The following FLNC variants were observed in gnomAD, a reference collection of about 807,000 sequenced individuals.
FLNC encodes the protein filamin C.
A neutral mutation model predicts 254.3 loss-of-function variants in FLNC; 91 were observed. The ratio of observed to expected loss-of-function variants is 0.36; its 90% CI spans 0.30 to 0.43. The LOEUF (loss-of-function observed/expected upper bound fraction) is 0.43, where lower values mean the gene tolerates loss of function less well. Among genes scored for constraint, FLNC ranks in the 20% least tolerant of loss-of-function variants. The pLI, the probability that FLNC is intolerant of heterozygous loss-of-function variation, is 1.00. For synonymous variants in FLNC, 1,430 were observed against 1,577.2 expected (o/e 0.91, Z 2.21); for missense variants, 2,853 against 3,802.6 (o/e 0.75, Z 6.57).
In FLNC at chr7:128,838,786, C is replaced by T; in HGVS notation, c.1394C>T (p.Pro465Leu). ...GCCCCCATCACCCGCAGTCCCTTCCCTGTCCATGTGTCGGAAGGTAAGGGC... is the reference window on the plus strand; with the variant it reads ...GCCCCCATCACCCGCAGTCCCTTCCTTGTCCATGTGTCGGAAGGTAAGGGC... ...AGAPITRSPFPVHVSEACNPN... is the reference protein window; with the variant it reads ...AGAPITRSPFLVHVSEACNPN... The change falls in exon 8 of 48, where the codon CCT becomes CTT. Residue 465 changes from proline to leucine, a missense_variant. By Grantham distance (98) the Pro-to-Leu change is moderately conservative. Around this residue, in one of 10 missense-constraint regions of FLNC, gnomAD observed 1,573 missense variants for 1,883.5 expected, o/e 0.84. Coordinates refer to ENST00000325888, the MANE Select transcript of FLNC (RefSeq NM_001458.5). 6.2e-7 allele frequency: 1 copy of T among 1,612,906 alleles called. No individual in the cohort carries two copies. Among genetic ancestry groups the T allele is most frequent in the Non-Finnish European group, 8.5e-7 (1 of 1,179,934 alleles).
At chr7:128,850,328 G>A in intron 31 of FLNC, 56 bp from the exon 32 acceptor site, 1 of 1,402,582 alleles carries the variant, frequency 7.1e-7, no homozygotes, top group African/African-American at 1.4e-5. Flanking sequence ...GTCATAGCAT[G>A]GGTCAAACTC....
Position 128,858,720 on chromosome 7 carries a change from C to G in FLNC, c.*197C>G. The G allele has an allele frequency of 1.6e-6, 1 of 608,584 alleles. No individual in the cohort carries two copies. The highest frequency in any genetic ancestry group is 3.0e-6 in the Non-Finnish European group (1 of 338,632). The allele number at this position is 608,584 out of a possible 1,614,324, so 37.7% of individuals were successfully genotyped here. A position where few individuals can be genotyped will look rare whatever the true frequency, so the allele number is the denominator to read the frequency against. On this transcript the variant is annotated 3_prime_UTR_variant, in exon 48 of 48. Coordinates refer to ENST00000325888, the MANE Select transcript of FLNC (RefSeq NM_001458.5). This position sits in a 1 kb window ranked among gnomAD's most constrained non-coding sequence, Gnocchi z 6.7. ...AGGGGTTGGAGGACCTTGTCTGTGT[C>G]AGGACAGTGTCCCTCCCTGGGAATG...
chr7:128,854,280 G>A, intron 40 of FLNC, 64 bp downstream of exon 40: 1 of 1,605,800 alleles, frequency 6.2e-7, no homozygotes, highest in Non-Finnish European at 8.5e-7. Context: ...TGCGGACCAG[G>A]CTTGATGCTG....
In FLNC at chr7:128,835,592, C is replaced by G; in HGVS notation, c.601+18C>G. ...CGCCCCCGGTGAGTGGGCCAGTGAGCACAGCATGGAGCCCTTAGCTCCCAA... is the reference window on the plus strand; with the variant it reads ...CGCCCCCGGTGAGTGGGCCAGTGAGGACAGCATGGAGCCCTTAGCTCCCAA... On this transcript the variant is annotated intron_variant, in intron 2 of 47. Coordinates refer to ENST00000325888, the MANE Select transcript of FLNC (RefSeq NM_001458.5). This position sits in a 1 kb window ranked among gnomAD's most constrained non-coding sequence, Gnocchi z 5.3. 6.2e-7 allele frequency: 1 copy of G among 1,612,046 alleles called. No homozygotes were observed. Among genetic ancestry groups the G allele is most frequent in the East Asian group, 2.2e-5 (1 of 44,872 alleles).
Position 128,855,318 on chromosome 7 carries a change from T to G in FLNC, c.7251+4T>G, listed in dbSNP as rs1389522053. On this transcript the variant is annotated splice_donor_region_variant and intron_variant, in intron 43 of 47. Transcript: ENST00000325888. ...TCTCACTGTCACCAGCCTCCAGGTT[T>G]GTGCCCAGGGTGGGGGTGGAGGGTT... The G allele has an allele frequency of 4.4e-6, 7 of 1,595,622 alleles. No individual in the cohort carries two copies. The highest frequency in any genetic ancestry group is 1.3e-5 in the African/African-American group (1 of 74,386).
At chr7:128,850,310 C>T (rs1808752978) in intron 31 of FLNC, 74 bp from the exon 32 acceptor site, 3 of 1,263,302 alleles carry the variant, frequency 2.4e-6, no homozygotes, top group Non-Finnish European at 3.5e-6. Flanking sequence ...CCTCACTCTC[C>T]AGCTTCAGTC....
rs1807841110 is a variant in FLNC, at chr7:128,830,534, G to C, written c.-104G>C. 2 of 963,594 alleles carry C rather than the reference G, an allele frequency of 2.1e-6. No individual in the cohort carries two copies. Among genetic ancestry groups the C allele is most frequent in the Non-Finnish European group, 3.2e-6 (2 of 624,206 alleles). The allele number at this position is 963,594 out of a possible 1,614,324, so 59.7% of individuals were successfully genotyped here. On this transcript the variant is annotated 5_prime_UTR_variant, in exon 1 of 48. Transcript: ENST00000325888. ...GCGAGAGAAGTTGGAGAGGAGAGCA[G>C]CGCAGCGCAGCGAGTCCCGTGGTCG... is the stretch of plus-strand genomic sequence containing the variant.
Position 128,857,178 on chromosome 7 carries a change from C to T in FLNC, c.7622C>T (p.Thr2541Ile). The T allele has an allele frequency of 6.2e-7, 1 of 1,614,144 alleles. No homozygotes were observed. The change falls in exon 46 of 48, where the codon ACC (threonine) becomes ATC (isoleucine). Residue 2541 changes from threonine (T) to isoleucine (I), a missense_variant. Thr to Ile is a moderately conservative substitution (Grantham distance 89). Around this residue, in one of 10 missense-constraint regions of FLNC, gnomAD observed 197 missense variants for 351.5 expected, o/e 0.56. Transcript: ENST00000325888. The surrounding 1 kb of genome is among the most constrained non-coding windows in gnomAD (Gnocchi z 4.5). ...GCCGGCTCGGGGGCCTTGTCTGTCA[C>T]CATTGATGGCCCCTCCAAGGTGCAG... Reference protein sequence around the residue: ...LNAGSGALSVTIDGPSKVQLD... With the variant: ...LNAGSGALSVIIDGPSKVQLD...
Position 128,857,161 on chromosome 7 carries a change from G to A in FLNC, c.7605G>A (p.Ser2535=), listed in dbSNP as rs777724201. The change falls in exon 46 of 48, where the codon TCG becomes TCA. Residue 2535 remains serine (S), a synonymous_variant. Coordinates refer to ENST00000325888, the MANE Select transcript of FLNC (RefSeq NM_001458.5). This position sits in a 1 kb window ranked among gnomAD's most constrained non-coding sequence, Gnocchi z 4.5. ...EFIVNTLNAG[S]GALSVTIDGP... Reference sequence around the variant, plus strand: ...TCGTGAACACCCTGAATGCCGGCTCGGGGGCCTTGTCTGTCACCATTGATG... The same window carrying A: ...TCGTGAACACCCTGAATGCCGGCTCAGGGGCCTTGTCTGTCACCATTGATG... 2.2e-5 allele frequency: 36 copies of A among 1,613,326 alleles called. No homozygotes were observed. The highest frequency in any genetic ancestry group is 1.5e-4 in the Admixed American group (9 of 60,002).
chr7:128,832,912 T>C (rs934367168), intron 1 of FLNC, among the ~76,000 whole-genome samples: 1 of 152,150 alleles, frequency 6.6e-6, no homozygotes, highest in Admixed American at 6.5e-5. Context: ...GCTCCCCTAC[T>C]CCATTTAGTG....
chr7:128,830,474 C>A lies in FLNC; in HGVS notation c.-164C>A. On this transcript the variant is annotated 5_prime_UTR_variant, in exon 1 of 48. Coordinates refer to ENST00000325888, the MANE Select transcript of FLNC (RefSeq NM_001458.5). ...AGAGAGCGGCCGAGCGCCTAGGAGG[C>A]CCGCCGAGCCTCGCCGAGCCCCGCC... 3.1e-6 allele frequency: 2 copies of A among 638,284 alleles called. No individual in the cohort carries two copies. The highest frequency in any genetic ancestry group is 1.9e-5 in the South Asian group (1 of 52,190). 39.5% of individuals were successfully genotyped at this position (638,284 alleles called of 1,614,324 possible). A position where few individuals can be genotyped will look rare whatever the true frequency, so the allele number is the denominator to read the frequency against.
intron 43 of FLNC, 120 bp downstream of exon 43, chr7:128,855,434 C>T (rs1344529199): frequency 5.4e-6 from 4 of 734,490 alleles, no homozygotes; most frequent in East Asian, 5.4e-5. Context: ...AGTTAGGAGT[C>T]CCTTCTCATA....
rs113982458 is a variant in FLNC, at chr7:128,856,345, C to T, written c.7252-173C>T. On this transcript the variant is annotated intron_variant, in intron 43 of 47. Transcript: ENST00000325888. The surrounding 1 kb of genome is among the most constrained non-coding windows in gnomAD (Gnocchi z 5.9). ...CAGGTGCACACATAGGGTTGCATAC[C>T]GGACCCTGGCTCCTCCTGCTCCCAG... is the stretch of plus-strand genomic sequence containing the variant. Among the ~76,000 whole-genome samples, 4,204 of 152,318 alleles carry T rather than the reference C, an allele frequency of 0.028. 94 individuals carry two copies. The highest frequency in any genetic ancestry group is 0.038 in the Non-Finnish European group (2,570 of 68,014).
intron 8 of FLNC, among the ~76,000 whole-genome samples, chr7:128,839,571 C>T (rs1404919113): frequency 2.0e-5 from 3 of 152,236 alleles, no homozygotes; most frequent in Non-Finnish European, 4.4e-5. Flanking sequence ...CTGTGGTAGG[C>T]TGATGTCCAC....
At position 128,853,773 on chromosome 7, in the gene FLNC, G is replaced by A. The variant is rs2128939187; in HGVS notation, c.6420G>A (p.Arg2140=). 1 of 1,613,834 alleles carries A rather than the reference G, an allele frequency of 6.2e-7. No individual in the cohort carries two copies. The highest frequency in any genetic ancestry group is 1.1e-5 in the South Asian group (1 of 91,090). The change falls in exon 39 of 48, where the codon CGG becomes CGA. Residue 2140 remains arginine (R), a synonymous_variant. Transcript: ENST00000325888. The stretch of plus-strand genomic sequence containing the variant: ...GCCGCATGAAGGAGAGCATCACCCG[G>A]CGGAGACAGGCACCTTCCATCGCCA... ...GEGRMKESIT[R]RRQAPSIATI...
chr7:128,856,454 T>C lies in FLNC; in HGVS notation c.7252-64T>C. ...GCTTACAGTGAGCACCGTGTGGGGC[T>C]TCAGAGAAGACTGCTCCAGCCCCGG... On this transcript the variant is annotated intron_variant, in intron 43 of 47. Coordinates refer to ENST00000325888, the MANE Select transcript of FLNC (RefSeq NM_001458.5). This position sits in a 1 kb window ranked among gnomAD's most constrained non-coding sequence, Gnocchi z 5.9. The C allele has an allele frequency of 6.3e-7, 1 of 1,597,660 alleles. No individual in the cohort carries two copies. Among genetic ancestry groups the C allele is most frequent in the East Asian group, 2.2e-5 (1 of 44,850 alleles).
In FLNC at chr7:128,835,427, G is replaced by T. The variant is rs1306401090; in HGVS notation, c.454G>T (p.Asp152Tyr). Residue 152 changes from aspartate to tyrosine, a missense_variant, in exon 2 of 48, where the codon GAT becomes TAT. Asp to Tyr is a radical substitution (Grantham distance 160). Coordinates refer to ENST00000325888, the MANE Select transcript of FLNC (RefSeq NM_001458.5). This position sits in a 1 kb window ranked among gnomAD's most constrained non-coding sequence, Gnocchi z 5.3. ...SISMPMWEDE[D>Y]DEDARKQTPK... ...CTCCATGCCCATGTGGGAGGATGAA[G>T]ATGATGAGGATGCCCGCAAACAGAC... is the stretch of plus-strand genomic sequence containing the variant. 1 of 1,614,150 alleles carries T rather than the reference G, an allele frequency of 6.2e-7. No homozygotes were observed. Among genetic ancestry groups the T allele is most frequent in the Non-Finnish European group, 8.5e-7 (1 of 1,180,044 alleles).
intron 35 of FLNC, among the ~76,000 whole-genome samples, chr7:128,852,188 G>A (rs888039754): frequency 1.3e-5 from 2 of 152,142 alleles, no homozygotes; most frequent in African/African-American, 4.8e-5. Flanking sequence ...AGAAGTTAGG[G>A]CACGGATAAT....
rs1809136781 is a variant in FLNC, at chr7:128,857,907, G to A, written c.7781-101G>A. The A allele has an allele frequency of 1.8e-5, 15 of 835,338 alleles. No homozygotes were observed. Among genetic ancestry groups the A allele is most frequent in the Admixed American group, 8.0e-5 (4 of 50,108 alleles). The allele number at this position is 835,338 out of a possible 1,614,324, so 51.7% of individuals were successfully genotyped here. On this transcript the variant is annotated intron_variant, in intron 46 of 47. Coordinates refer to ENST00000325888, the MANE Select transcript of FLNC (RefSeq NM_001458.5). The surrounding 1 kb of genome is among the most constrained non-coding windows in gnomAD (Gnocchi z 4.5). Reference sequence around the variant, plus strand: ...TGAGGGGGAGCCTCAAATGCAGGCAGTGAGTCCCACAGGGTGGCAGTGCTG... The same window carrying A: ...TGAGGGGGAGCCTCAAATGCAGGCAATGAGTCCCACAGGGTGGCAGTGCTG...
Sources: allele counts gnomAD v4.1 joint callset (sites outside exome capture counted in the v4.1 genomes callset), GRCh38; gene constraint gnomAD v4.1.1; regional missense constraint gnomAD v4.1.1; non-coding constraint Gnocchi (gnomAD v3.1); transcripts MANE v1.5; gene names NCBI Gene and HGNC (gene_info 2026-07-23, HGNC 2026-07-21).